SLC25A12: variants seen among roughly 807,000 people sequenced by gnomAD.
SLC25A12 encodes solute carrier family 25 member 12, also known as electrogenic aspartate/glutamate antiporter SLC25A12, mitochondrial.
A neutral mutation model predicts 83.3 loss-of-function variants in SLC25A12; 32 were observed. The ratio of observed to expected loss-of-function variants is 0.38; its 90% CI spans 0.29 to 0.52. SLC25A12 has a LOEUF of 0.52. Among genes scored for constraint, SLC25A12 ranks in the 20% least tolerant of loss-of-function variants. The pLI is 0.84. For synonymous variants in SLC25A12, 267 were observed against 291.1 expected, an observed-to-expected ratio of 0.92 and a Z score of 0.84; for missense variants, 611 against 835.6, an observed-to-expected ratio of 0.73 and a Z score of 3.31.
intron 7 of SLC25A12, 103 bp downstream of exon 7, chr2:171,834,624 T>G (rs1257564765): frequency 7.6e-7 from 1 of 1,318,498 alleles, no homozygotes; most frequent in East Asian, 2.3e-5. Flanking sequence ...TAACATACTT[T>G]CTAGATCTGG....
intron 8 of SLC25A12, among the ~76,000 whole-genome samples, chr2:171,831,540 G>A (rs1180208211): frequency 1.3e-5 from 2 of 152,166 alleles, no homozygotes; most frequent in African/African-American, 2.4e-5. Flanking sequence ...TTAGGAAACA[G>A]GGAAATACAG....
intron 15 of SLC25A12, 113 bp from the exon 16 acceptor site, chr2:171,788,060 C>T (rs1270845599): frequency 1.4e-5 from 14 of 1,036,132 alleles, no homozygotes; most frequent in Non-Finnish European, 2.0e-5. Context: ...GAACTCAAAA[C>T]TCTTTACATA....
At chr2:171,892,515 G>A (rs987693752) in intron 2 of SLC25A12, among the ~76,000 whole-genome samples, 19 of 152,180 alleles carry the variant, frequency 1.2e-4, no homozygotes, top group African/African-American at 2.9e-4. Flanking sequence ...GTGAGCCACC[G>A]CGCCCGGCCT....
At chr2:171,814,850 T>C (rs1228869731) in intron 10 of SLC25A12, among the ~76,000 whole-genome samples, 1 of 152,226 alleles carries the variant, frequency 6.6e-6, no homozygotes, top group Admixed American at 6.5e-5. Flanking sequence ...ATACTGGCCT[T>C]AGCCAGTATA....
At chr2:171,789,150 C>T (rs540861560) in intron 15 of SLC25A12, among the ~76,000 whole-genome samples, 24 of 152,282 alleles carry the variant, frequency 1.6e-4, no homozygotes, top group Admixed American at 9.2e-4. Flanking sequence ...TGGTGGTTCA[C>T]GCTTGTAATC....
At chr2:171,843,559 G>A (rs945330522) in intron 5 of SLC25A12, among the ~76,000 whole-genome samples, 4 of 152,114 alleles carry the variant, frequency 2.6e-5, no homozygotes, top group African/African-American at 4.8e-5. Context: ...CTTGAACCAA[G>A]AGGTGGAGGT....
intron 4 of SLC25A12, chr2:171,845,804 G>A: frequency 2.2e-6 from 1 of 455,274 alleles, no homozygotes; most frequent in Non-Finnish European, 4.4e-6. Flanking sequence ...GATGTCACTG[G>A]GGAGATGGGA....
At chr2:171,832,731 C>A (rs1684469248) in intron 8 of SLC25A12, among the ~76,000 whole-genome samples, 1 of 152,220 alleles carries the variant, frequency 6.6e-6, no homozygotes, top group African/African-American at 2.4e-5. Flanking sequence ...ATCTTCCAGA[C>A]AGCTTGGAAG....
chr2:171,802,655 A>G (rs1683733493), intron 13 of SLC25A12, among the ~76,000 whole-genome samples: 1 of 152,190 alleles, frequency 6.6e-6, no homozygotes, highest in African/African-American at 2.4e-5. Context: ...GGGTGCCTGT[A>G]GTCCCAACTA....
At chr2:171,814,017 T>A (rs566303047) in intron 10 of SLC25A12, among the ~76,000 whole-genome samples, 1 of 152,284 alleles carries the variant, frequency 6.6e-6, no homozygotes, top group South Asian at 2.1e-4. Flanking sequence ...TATCCCTATG[T>A]ATAGAATTTG....
chr2:171,810,068 T>C (rs528770947), intron 12 of SLC25A12, among the ~76,000 whole-genome samples, 156 bp downstream of exon 12: 19 of 152,310 alleles, frequency 1.2e-4, no homozygotes, highest in African/African-American at 4.6e-4. Flanking sequence ...GTTCTTACTA[T>C]GCTTATGCTG....
intron 13 of SLC25A12, among the ~76,000 whole-genome samples, chr2:171,807,149 C>T (rs1338973992): frequency 2.0e-5 from 3 of 152,016 alleles, no homozygotes; most frequent in Admixed American, 2.0e-4. Flanking sequence ...TTCTTCTTCC[C>T]TGAAAGAAGA....
At chr2:171,785,899 C>T (rs2096775084) in intron 17 of SLC25A12, among the ~76,000 whole-genome samples, 1 of 152,072 alleles carries the variant, frequency 6.6e-6, no homozygotes, top group African/African-American at 2.4e-5. Flanking sequence ...CCTCCCAGAG[C>T]ACTGGGAGGT....
At position 171,783,657 on chromosome 2, in the gene SLC25A12, T is replaced by G. The variant is rs994925835; in HGVS notation, c.*1617A>C. On this transcript the variant is annotated 3_prime_UTR_variant, in exon 18 of 18. Transcript: ENST00000422440. ...TAAGCGGGACACTTTCCCATCTCAC[T>G]CTAGATACATACATAGGATTCTTTT... Among the ~76,000 whole-genome samples, 5 of 152,204 alleles carry G rather than the reference T, an allele frequency of 3.3e-5. No individual in the cohort carries two copies. Among genetic ancestry groups the G allele is most frequent in the Non-Finnish European group, 7.3e-5 (5 of 68,040 alleles).
chr2:171,803,617 T>A (rs1417081934), intron 13 of SLC25A12, among the ~76,000 whole-genome samples: 1 of 151,982 alleles, frequency 6.6e-6, no homozygotes, highest in Non-Finnish European at 1.5e-5. Flanking sequence ...CAATAAGAAG[T>A]GTTATCAAAG....
chr2:171,813,560 T>A (rs1340115760), intron 10 of SLC25A12, 63 bp from the exon 11 acceptor site: 7 of 1,504,176 alleles, frequency 4.7e-6, no homozygotes, highest in Non-Finnish European at 6.5e-6. Flanking sequence ...TCCATAAGGA[T>A]GACAAATCTT....
At chr2:171,879,349 G>A (rs563894306) in intron 2 of SLC25A12, among the ~76,000 whole-genome samples, 19 of 152,258 alleles carry the variant, frequency 1.2e-4, no homozygotes, top group African/African-American at 3.9e-4. Flanking sequence ...TTGCTTCCAT[G>A]AATACTATGT....
At chr2:171,858,371 C>T (rs965413998) in intron 3 of SLC25A12, among the ~76,000 whole-genome samples, 4 of 152,076 alleles carry the variant, frequency 2.6e-5, no homozygotes, top group African/African-American at 7.2e-5. Flanking sequence ...TAAAAATAGG[C>T]TGATTATGGG....
At position 171,815,154 on chromosome 2, in the gene SLC25A12, C is replaced by G. The variant is rs1684025322; in HGVS notation, c.979G>C (p.Ala327Pro). The G allele has an allele frequency of 6.2e-7, 1 of 1,613,678 alleles. No individual in the cohort carries two copies. The highest frequency in any genetic ancestry group is 1.3e-5 in the African/African-American group (1 of 74,898). ...ACTGAGCCCAGAGTGAATCTGTAAG[C>G]AGACTCGGCAATCTGGAGCCAGATA... The part of the protein sequence containing the change: ...RPIWLQIAES[A>P]YRFTLGSVAG... The change falls in exon 10 of 18, where the codon GCT becomes CCT. Residue 327 changes from alanine (A) to proline (P), a missense_variant. Ala to Pro is a conservative substitution (Grantham distance 27). Coordinates refer to ENST00000422440, the MANE Select transcript of SLC25A12 (RefSeq NM_003705.5).
Sources: allele counts gnomAD v4.1 joint callset (sites outside exome capture counted in the v4.1 genomes callset), GRCh38; gene constraint gnomAD v4.1.1; transcripts MANE v1.5; gene names NCBI Gene and HGNC (gene_info 2026-07-23, HGNC 2026-07-21).